Variants in GPC5 observed in about 807,000 individuals in gnomAD.
GPC5 encodes the protein glypican 5, also known as glypican-5.
Under a neutral mutation model 53.9 loss-of-function variants are expected in GPC5, and 47 were observed. The ratio of observed to expected loss-of-function variants is 0.87; its 90% CI spans 0.69 to 1.11. GPC5 has a LOEUF of 1.11. Ranked by LOEUF, GPC5 falls within the 50% of genes most tolerant of loss-of-function variation. The pLI, the probability that GPC5 is intolerant of heterozygous loss-of-function variation, is 0.00. For missense variants in GPC5, 748 were observed against 713.1 expected, an observed-to-expected ratio of 1.05 and a Z score of -0.56; for synonymous variants, 286 against 263.3, an observed-to-expected ratio of 1.09 and a Z score of -0.84.
At chr13:92,073,217 TTTG>T (rs1182702621) in intron 6 of GPC5, among the ~76,000 whole-genome samples, 6 of 152,216 alleles carry the variant, frequency 3.9e-5, no homozygotes, top group Admixed American at 6.5e-5. Flanking sequence ...TTCTGAATAT[TTTG>T]TTAAGTTAGA....
chr13:92,777,335 C>CAA (rs71202561), intron 7 of GPC5, among the ~76,000 whole-genome samples: 11,465 of 63,260 alleles, frequency 0.18, 969 homozygotes, highest in Middle Eastern at 0.3. Flanking sequence ...GACTCCATCT[C>CAA]AAAAAAAAAA....
intron 2 of GPC5, among the ~76,000 whole-genome samples, chr13:91,578,692 ATT>A (rs886813942): frequency 5.0e-5 from 7 of 138,868 alleles, no homozygotes; most frequent in African/African-American, 1.9e-4. Context: ...ATATATATAT[ATT>A]ATGCTAATGC....
chr13:92,529,454 C>A (rs747774442), intron 7 of GPC5, among the ~76,000 whole-genome samples: 4 of 152,074 alleles, frequency 2.6e-5, no homozygotes, highest in Non-Finnish European at 5.9e-5. Context: ...CATATCAAAT[C>A]TCCAGTAATT....
intron 2 of GPC5, among the ~76,000 whole-genome samples, chr13:91,628,500 G>GTCTGTCTA (rs1555331791): frequency 1.6e-4 from 24 of 151,380 alleles, no homozygotes; most frequent in African/African-American, 5.8e-4. Flanking sequence ...CTGTCTGTCT[G>GTCTGTCTA]TCTATCTCTC....
chr13:92,157,784 A>G (rs2041956444), intron 7 of GPC5, among the ~76,000 whole-genome samples: 1 of 151,958 alleles, frequency 6.6e-6, no homozygotes, highest in African/African-American at 2.4e-5. Context: ...TTCATATTTT[A>G]TCACTTGGTT....
At chr13:92,290,611 C>T (rs140699386) in intron 7 of GPC5, among the ~76,000 whole-genome samples, 1 of 152,206 alleles carries the variant, frequency 6.6e-6, no homozygotes, top group African/African-American at 2.4e-5. Flanking sequence ...TGAGTTACTT[C>T]ACTTAGAATG....
At chr13:92,606,479 G>T (rs137914887) in intron 7 of GPC5, among the ~76,000 whole-genome samples, 1 of 152,126 alleles carries the variant, frequency 6.6e-6, no homozygotes, top group African/African-American at 2.4e-5. Context: ...TCTTAATCCA[G>T]TCTATCATTT....
intron 7 of GPC5, among the ~76,000 whole-genome samples, chr13:92,647,737 G>T (rs1250558124): frequency 6.6e-6 from 1 of 152,000 alleles, no homozygotes; most frequent in Non-Finnish European, 1.5e-5. Flanking sequence ...AGGCCACATG[G>T]TATCTTTAAT....
At chr13:92,478,836 C>A (rs141707341) in intron 7 of GPC5, among the ~76,000 whole-genome samples, 1 of 152,138 alleles carries the variant, frequency 6.6e-6, no homozygotes, top group Admixed American at 6.6e-5. Flanking sequence ...AAATCTTATA[C>A]TCTTGCTTCT....
At chr13:91,981,130 C>T (rs1011253306) in intron 6 of GPC5, among the ~76,000 whole-genome samples, 6 of 152,046 alleles carry the variant, frequency 3.9e-5, no homozygotes, top group African/African-American at 1.4e-4. Context: ...GTAGTGGAAC[C>T]ACGTATGTTC....
At chr13:91,445,472 GTTTA>G (rs1472612989) in intron 1 of GPC5, among the ~76,000 whole-genome samples, 1 of 152,060 alleles carries the variant, frequency 6.6e-6, no homozygotes, top group Non-Finnish European at 1.5e-5. Context: ...TTATCAGTTT[GTTTA>G]TTTGTTTGTT....
chr13:92,439,250 A>G (rs1291221355), intron 7 of GPC5, among the ~76,000 whole-genome samples: 1 of 152,220 alleles, frequency 6.6e-6, no homozygotes, highest in Admixed American at 6.5e-5. Context: ...TTATGCAAGA[A>G]AAGAAATAGC....
At chr13:92,663,183 C>T (rs974066678) in intron 7 of GPC5, among the ~76,000 whole-genome samples, 1 of 152,000 alleles carries the variant, frequency 6.6e-6, no homozygotes, top group African/African-American at 2.4e-5. Flanking sequence ...AAAGTAATGT[C>T]TGATCTGAAA....
At chr13:92,218,210 T>C (rs1488193444) in intron 7 of GPC5, among the ~76,000 whole-genome samples, 2 of 152,036 alleles carry the variant, frequency 1.3e-5, no homozygotes, top group African/African-American at 4.8e-5. Context: ...CTACAGTTGC[T>C]CACTTTACCC....
intron 6 of GPC5, among the ~76,000 whole-genome samples, chr13:92,054,149 GGTGTGTGTGTGT>G (rs141324926): frequency 4.1e-4 from 60 of 146,040 alleles, no homozygotes; most frequent in East Asian, 2.8e-3. Context: ...ACTTTGGAGG[GGTGTGTGTGTGT>G]GTGTGTGTGT....
intron 7 of GPC5, among the ~76,000 whole-genome samples, chr13:92,162,116 CT>C (rs994733552): frequency 1.4e-5 from 2 of 148,070 alleles, no homozygotes; most frequent in African/African-American, 5.1e-5. Flanking sequence ...CTATGGAATC[CT>C]GTTTTTTCCC....
chr13:92,683,941 G>A (rs1418750129), intron 7 of GPC5, among the ~76,000 whole-genome samples: 4 of 151,990 alleles, frequency 2.6e-5, no homozygotes, highest in Non-Finnish European at 5.9e-5. Context: ...AATTATATTA[G>A]GGTTCACTCT....
At chr13:91,453,671 A>T (rs1881340777) in intron 2 of GPC5, among the ~76,000 whole-genome samples, 1 of 152,126 alleles carries the variant, frequency 6.6e-6, no homozygotes, top group African/African-American at 2.4e-5. Context: ...CTGAGAGCAG[A>T]TATACAGCAA....
chr13:91,716,699 C>A (rs2036345369), intron 3 of GPC5, among the ~76,000 whole-genome samples: 1 of 152,108 alleles, frequency 6.6e-6, no homozygotes, highest in Non-Finnish European at 1.5e-5. Context: ...ATATATGACA[C>A]ATGAATGTGC....
Sources: gnomAD v4.1 joint callset for allele counts (sites outside exome capture counted in the v4.1 genomes callset) on GRCh38, gnomAD v4.1.1 for gene constraint, MANE v1.5 for transcripts, NCBI Gene and HGNC (gene_info 2026-07-23, HGNC 2026-07-21) for gene names.